The following HAVCR1 variants were observed in gnomAD, a reference collection of about 807,000 sequenced individuals.
HAVCR1 encodes the protein T cell immunoglobin domain and mucin domain protein 1.
A neutral mutation model predicts 32.0 loss-of-function variants in HAVCR1; 34 were observed. The ratio of observed to expected loss-of-function variants is 1.06; its 90% CI spans 0.81 to 1.42. The LOEUF is 1.42. Ranked by LOEUF, HAVCR1 falls within the 40% of genes most tolerant of loss-of-function variation. HAVCR1 has a pLI of 0.00. For missense variants in HAVCR1, 420 were observed against 442.3 expected, an observed-to-expected ratio of 0.95 and a Z score of 0.45; for synonymous variants, 178 against 170.3, an observed-to-expected ratio of 1.05 and a Z score of -0.35.
chr5:157,057,395 GAAAGAAAGAAAGAAAGAAA>G (rs1561605972), intron 2 of HAVCR1, among the ~76,000 whole-genome samples: 22 of 11,666 alleles, frequency 1.9e-3, no homozygotes, highest in African/African-American at 3.8e-3. Flanking sequence ...AGGAAAGAAA[GAAAGAAAGAAAGAAAGAAA>G]GAAAGAAAGA....
Position 157,042,660 on chromosome 5 carries a change from C to T in HAVCR1, c.804G>A (p.Glu268=), listed in dbSNP as rs770648290. ...TGTTATTCCAAAGGCCATCTGAAGA[C>T]TCTGTCACGGTGTCATTCCCATCTA... ...YTTDGNDTVT[E]SSDGLWNNNQ... Residue 268 remains glutamate (E), a synonymous_variant, in exon 6 of 9, where the codon GAG becomes GAA. Transcript: ENST00000523175. 1.9e-6 allele frequency: 3 copies of T among 1,595,940 alleles called. No individual in the cohort carries two copies. Among genetic ancestry groups the T allele is most frequent in the East Asian group, 4.5e-5 (2 of 44,722 alleles).
intron 5 of HAVCR1, among the ~76,000 whole-genome samples, chr5:157,048,761 C>T (rs1013173181): frequency 6.6e-6 from 1 of 151,896 alleles, no homozygotes. Context: ...ACCTGGGAGG[C>T]GGAGCTTGCA....
At position 157,042,583 on chromosome 5, in the gene HAVCR1, ATAC is replaced by A. The variant is rs752337656; in HGVS notation, c.837+41_837+43del. ...AAATGTAACTTGCTTCCAAGGAGAT[ATAC>A]AAGTGAATCTGGCTAATCAAATAGG... On this transcript the variant is annotated intron_variant, in intron 6 of 8. Coordinates refer to ENST00000523175, the MANE Select transcript of HAVCR1 (RefSeq NM_001173393.3). The A allele has an allele frequency of 3.4e-6, 4 of 1,193,904 alleles. No homozygotes were observed. In the African/African-American group the frequency reaches 6.0e-5, roughly 18 times the overall value. 74.0% of individuals were successfully genotyped at this position (1,193,904 alleles called of 1,614,324 possible).
At chr5:157,067,506 A>G in the HAVCR1 span, among the ~76,000 whole-genome samples, 1 of 152,138 alleles carries the variant, frequency 6.6e-6, no homozygotes, top group Non-Finnish European at 1.5e-5. Context: ...CTCTACAAAA[A>G]ATAAAAATAA....
intron 6 of HAVCR1, among the ~76,000 whole-genome samples, chr5:157,040,526 A>T (rs1049389705): frequency 6.6e-6 from 1 of 152,240 alleles, no homozygotes; most frequent in Non-Finnish European, 1.5e-5. Flanking sequence ...TTGGCTCTAC[A>T]CTAAATAGCC....
upstream of HAVCR1, among the ~76,000 whole-genome samples, chr5:157,059,427 G>C (rs191470413): frequency 3.0e-3 from 456 of 152,266 alleles, 4 homozygotes; most frequent in Admixed American, 8.2e-3. Context: ...TGTAACCCCA[G>C]CACTTTGGGA....
At position 157,052,586 on chromosome 5, in the gene HAVCR1, C is replaced by T; in HGVS notation, c.448G>A (p.Val150Ile). 1 of 1,611,964 alleles carries T rather than the reference C, an allele frequency of 6.2e-7. No individual in the cohort carries two copies. The highest frequency in any genetic ancestry group is 8.5e-7 in the Non-Finnish European group (1 of 1,178,592). The change falls in exon 4 of 9, where the codon GTT becomes ATT. Residue 150 changes from valine to isoleucine, a missense_variant. By Grantham distance (29) the Val-to-Ile change is conservative (BLOSUM62 3). Coordinates refer to ENST00000523175, the MANE Select transcript of HAVCR1 (RefSeq NM_001173393.3). ...TVTTVRTSTT[V>I]PTTTTVPMTT... Reference sequence around the variant, plus strand: ...ATTGGAACAGTCGTTGTCGTTGGAACAGTGGTGCTCGTTCGAACAGTCGTG... The same window carrying T: ...ATTGGAACAGTCGTTGTCGTTGGAATAGTGGTGCTCGTTCGAACAGTCGTG...
At chr5:157,057,294 C>A (rs770433177) in intron 2 of HAVCR1, among the ~76,000 whole-genome samples, 1 of 148,374 alleles carries the variant, frequency 6.7e-6, no homozygotes, top group Admixed American at 6.7e-5. Flanking sequence ...CTAGCCTGGG[C>A]GACAGAGTGA....
chr5:157,056,745 C>T (rs992614265), intron 2 of HAVCR1, among the ~76,000 whole-genome samples: 1 of 152,030 alleles, frequency 6.6e-6, no homozygotes, highest in Non-Finnish European at 1.5e-5. Flanking sequence ...ACATATAATG[C>T]ATGCTATTAC....
At chr5:157,057,395 GAAAGAAA>G (rs1561605960) in intron 2 of HAVCR1, among the ~76,000 whole-genome samples, 277 of 11,534 alleles carry the variant, frequency 0.024, 1 homozygote, top group African/African-American at 0.048. Flanking sequence ...AGGAAAGAAA[GAAAGAAA>G]GAAAGAAAGA....
chr5:157,030,991 A>G (rs535536552), intron 8 of HAVCR1, among the ~76,000 whole-genome samples: 31 of 143,718 alleles, frequency 2.2e-4, no homozygotes, highest in Non-Finnish European at 3.3e-4. Context: ...AGAAGTGTTC[A>G]TAATTTGTTA....
chr5:157,058,576 CAAAAA>C (rs200213701), intron 1 of HAVCR1: 1 of 150,654 alleles, frequency 6.6e-6, no homozygotes, highest in Non-Finnish European at 1.5e-5. Flanking sequence ...AAAAACAAAA[CAAAAA>C]AAAAGAAAAG....
intron 7 of HAVCR1, among the ~76,000 whole-genome samples, chr5:157,035,876 C>T (rs529942775): frequency 3.6e-4 from 54 of 152,098 alleles, no homozygotes; most frequent in African/African-American, 1.2e-3. Context: ...ATGGCATTTA[C>T]GTTGTATATT....
chr5:157,030,679 CAAGTGAGGGA>C (rs1754122228), intron 8 of HAVCR1, among the ~76,000 whole-genome samples: 2 of 152,154 alleles, frequency 1.3e-5, no homozygotes, highest in African/African-American at 4.8e-5. Context: ...AGTGGAAATA[CAAGTGAGGGA>C]AGAAAGTAGA....
chr5:157,044,433 A>AAGAAAGAAAGAGAGAGAGAG (rs1755138092), intron 5 of HAVCR1, among the ~76,000 whole-genome samples: 1 of 32,020 alleles, frequency 3.1e-5, no homozygotes, highest in African/African-American at 1.6e-4. Flanking sequence ...GAAAGAAAGA[A>AAGAAAGAAAGAGAGAGAGAG]AGAAAGAAAG....
At chr5:157,058,855 C>CTACA (rs1334344224) in intron 1 of HAVCR1, 66 bp downstream of exon 1, 1 of 152,216 alleles carries the variant, frequency 6.6e-6, no homozygotes, top group Non-Finnish European at 1.5e-5. Context: ...ATGCTTCAGA[C>CTACA]TACACCTCCT....
chr5:157,052,432 CTTGTTG>C lies in HAVCR1; in HGVS notation c.596_601del (p.Thr199_Thr200del), dbSNP rs45439103. ...AGAGACAGTTGTTGTCACTGGAACA[CTTGTTG>C]TTGTTGGAATGCTCGTTGTCGTTGG... On this transcript the variant is annotated inframe_deletion, in exon 4 of 9. Transcript: ENST00000523175. 5 of 1,613,546 alleles carry C rather than the reference CTTGTTG, an allele frequency of 3.1e-6. No individual in the cohort carries two copies. The highest frequency in any genetic ancestry group is 2.7e-5 in the African/African-American group (2 of 74,834).
intron 6 of HAVCR1, among the ~76,000 whole-genome samples, chr5:157,038,916 G>GCCCAGGAGTTTGAGA (rs1754701109): frequency 6.6e-6 from 1 of 152,186 alleles, no homozygotes; most frequent in Admixed American, 6.5e-5. Flanking sequence ...GATAGCCTGA[G>GCCCAGGAGTTTGAGA]CCCAGGAGTT....
chr5:157,055,757 A>G (rs969817324), intron 2 of HAVCR1, among the ~76,000 whole-genome samples: 2 of 151,720 alleles, frequency 1.3e-5, no homozygotes, highest in African/African-American at 4.8e-5. Context: ...CCAGCTACTC[A>G]GGAGGCTAAG....
Sources: gnomAD v4.1 joint callset for allele counts (sites outside exome capture counted in the v4.1 genomes callset) on GRCh38, gnomAD v4.1.1 for gene constraint, MANE v1.5 for transcripts, NCBI Gene and HGNC (gene_info 2026-07-23, HGNC 2026-07-21) for gene names.